Variants in VAT1L observed in about 807,000 individuals in gnomAD.
VAT1L encodes the protein vesicle amine transport 1 like, also known as putative NADPH-dependent quinone oxidoreductase VAT1L.
Under a neutral mutation model 44.1 loss-of-function variants are expected in VAT1L, and 34 were observed. That is an observed-to-expected ratio of 0.77 (90% CI 0.59 to 1.03). VAT1L has a LOEUF of 1.03. VAT1L is among the 50% of genes least tolerant of loss of function. VAT1L has a pLI of 0.00. For missense variants in VAT1L, 615 were observed against 538.8 expected (o/e 1.14, Z -1.40); for synonymous variants, 253 against 202.2 (o/e 1.25, Z -2.13).
chr16:77,885,122 A>T (rs924515107), intron 7 of VAT1L, among the ~76,000 whole-genome samples: 7 of 152,204 alleles, frequency 4.6e-5, no homozygotes, highest in Non-Finnish European at 1.0e-4. Flanking sequence ...GGCATCATAC[A>T]TATTGTCACC....
chr16:77,798,864 G>T (rs1470264954), intron 1 of VAT1L, among the ~76,000 whole-genome samples: 1 of 152,282 alleles, frequency 6.6e-6, no homozygotes, highest in South Asian at 2.1e-4. Context: ...AGGGCGGGAA[G>T]GCCACCCCCT....
intron 7 of VAT1L, among the ~76,000 whole-genome samples, chr16:77,954,242 A>C (rs896044035): frequency 6.6e-6 from 1 of 152,188 alleles, no homozygotes; most frequent in African/African-American, 2.4e-5. Flanking sequence ...CCCTGGAGTG[A>C]AAAGGGTTGT....
At chr16:77,866,344 G>T (rs80276916) in intron 4 of VAT1L, among the ~76,000 whole-genome samples, 1,836 of 152,234 alleles carry the variant, frequency 0.012, 45 homozygotes, top group African/African-American at 0.041. Flanking sequence ...TTGAGTATTG[G>T]GCAGTCCCTT....
chr16:77,841,635 A>C (rs1035156776), intron 3 of VAT1L, among the ~76,000 whole-genome samples: 5 of 152,164 alleles, frequency 3.3e-5, no homozygotes, highest in Non-Finnish European at 5.9e-5. Context: ...TGTCTCCTGG[A>C]AACTGCTTTT....
Position 77,884,484 on chromosome 16 carries a change from C to A in VAT1L, c.883-124C>A. ...CCACCAAGAGCAACCCCTTGGCCAG[C>A]TGGAATCTGCTGAGCTGCAGCCCCA... is the stretch of plus-strand genomic sequence containing the variant. On this transcript the variant is annotated intron_variant, in intron 6 of 8. Transcript: ENST00000302536. This position sits in a 1 kb window ranked among gnomAD's most constrained non-coding sequence, Gnocchi z 4.5. The A allele has an allele frequency of 3.5e-6, 3 of 848,306 alleles. No homozygotes were observed. The highest frequency in any genetic ancestry group is 5.2e-6 in the Non-Finnish European group (3 of 578,730). 52.5% of individuals were successfully genotyped at this position (848,306 alleles called of 1,614,324 possible). A position where few individuals can be genotyped will look rare whatever the true frequency, so the allele number is the denominator to read the frequency against.
intron 7 of VAT1L, among the ~76,000 whole-genome samples, chr16:77,967,145 T>C (rs1375375930): frequency 6.6e-6 from 1 of 152,112 alleles, no homozygotes. Context: ...AGGTGTTATA[T>C]GAGAGCAGTT....
chr16:77,942,904 C>A (rs1292894578), intron 7 of VAT1L, among the ~76,000 whole-genome samples: 1 of 151,224 alleles, frequency 6.6e-6, no homozygotes, highest in Non-Finnish European at 1.5e-5. Context: ...ACCATCACAC[C>A]CGGCTAATTT....
intron 7 of VAT1L, among the ~76,000 whole-genome samples, chr16:77,937,101 T>G (rs528833734): frequency 7.9e-5 from 12 of 152,290 alleles, no homozygotes; most frequent in Non-Finnish European, 1.6e-4. Flanking sequence ...CAGGATGGTC[T>G]CGATCTCTTA....
chr16:77,922,671 C>G (rs1208865442), intron 7 of VAT1L, among the ~76,000 whole-genome samples: 4 of 152,200 alleles, frequency 2.6e-5, no homozygotes, highest in African/African-American at 9.7e-5. Context: ...GAATGCCACT[C>G]TATGTGCCTG....
intron 7 of VAT1L, among the ~76,000 whole-genome samples, chr16:77,919,907 T>A (rs557760447): frequency 6.6e-6 from 1 of 152,132 alleles, no homozygotes; most frequent in African/African-American, 2.4e-5. Flanking sequence ...GGCTAACATG[T>A]GAAACCCCAT....
chr16:77,863,702 G>A (rs923321695), intron 4 of VAT1L, among the ~76,000 whole-genome samples: 7 of 152,140 alleles, frequency 4.6e-5, no homozygotes, highest in African/African-American at 1.7e-4. Context: ...AGGCTTACTG[G>A]GGTGCAAGTC....
At chr16:77,975,712 C>T (rs976653086) in intron 8 of VAT1L, among the ~76,000 whole-genome samples, 1 of 152,364 alleles carries the variant, frequency 6.6e-6, no homozygotes, top group African/African-American at 2.4e-5. Flanking sequence ...AAAGCCTCCT[C>T]TTAATGAGGC....
intron 4 of VAT1L, among the ~76,000 whole-genome samples, chr16:77,873,534 C>T (rs546499097): frequency 6.6e-6 from 1 of 152,288 alleles, no homozygotes; most frequent in East Asian, 1.9e-4. Flanking sequence ...TGAGAAGCAA[C>T]ACTATATCCA....
Position 77,962,872 on chromosome 16 carries a change from G to A in VAT1L, c.1078-8978G>A, listed in dbSNP as rs1283148057. On this transcript the variant is annotated intron_variant, in intron 7 of 8. Coordinates refer to ENST00000302536, the MANE Select transcript of VAT1L (RefSeq NM_020927.3). The stretch of plus-strand genomic sequence containing the variant: ...GAGACAGGAGGATTGCTTAAGCCTG[G>A]GAGGTAGAGGCTGCAGTGGGTTGTG... Among the ~76,000 whole-genome samples, 14 of 152,286 alleles carry A rather than the reference G, an allele frequency of 9.2e-5. No individual in the cohort carries two copies. In the East Asian group the frequency reaches 2.3e-3, roughly 25 times the overall value.
chr16:77,897,477 G>T (rs991800024), intron 7 of VAT1L, among the ~76,000 whole-genome samples: 2 of 152,116 alleles, frequency 1.3e-5, no homozygotes, highest in African/African-American at 4.8e-5. Context: ...TTTGTTTTTT[G>T]TTTTGTGTTT....
chr16:77,975,825 C>T (rs2018334390), intron 8 of VAT1L, among the ~76,000 whole-genome samples: 1 of 152,224 alleles, frequency 6.6e-6, no homozygotes, highest in Non-Finnish European at 1.5e-5. Flanking sequence ...GGCAGCCCTG[C>T]CCCAGTCCTG....
Position 77,977,973 on chromosome 16 carries a change from C to T in VAT1L, c.*278C>T. ...TGGGTTCTTCTTGACAGTTCTAGAA[C>T]AGCCTTGCAAATTAATACAAGTCCC... is the stretch of plus-strand genomic sequence containing the variant. On this transcript the variant is annotated 3_prime_UTR_variant, in exon 9 of 9. Coordinates refer to ENST00000302536, the MANE Select transcript of VAT1L (RefSeq NM_020927.3). The T allele has an allele frequency of 2.9e-6, 1 of 345,970 alleles. No homozygotes were observed. Among genetic ancestry groups the T allele is most frequent in the Non-Finnish European group, 5.4e-6 (1 of 183,850 alleles). The allele number at this position is 345,970 out of a possible 1,614,324, so 21.4% of individuals were successfully genotyped here.
intron 7 of VAT1L, among the ~76,000 whole-genome samples, chr16:77,939,329 G>GT (rs374042022): frequency 9.9e-5 from 15 of 151,332 alleles, no homozygotes; most frequent in African/African-American, 3.4e-4. Flanking sequence ...TTGTGTGCAT[G>GT]TTTTTTCCAG....
rs767226108 is a variant in VAT1L, at chr16:77,879,236, G to A, written c.882+12G>A. ...GCTTTGCAAAATCAGTAAGTATCCA[G>A]GCACATCTGATGTACTGTGGTGGCA... On this transcript the variant is annotated intron_variant, in intron 6 of 8. Coordinates refer to ENST00000302536, the MANE Select transcript of VAT1L (RefSeq NM_020927.3). This position sits in a 1 kb window ranked among gnomAD's most constrained non-coding sequence, Gnocchi z 4.1. 3.1e-6 allele frequency: 5 copies of A among 1,613,510 alleles called. No individual in the cohort carries two copies. The highest frequency in any genetic ancestry group is 1.1e-5 in the South Asian group (1 of 91,036).
Sources: allele counts gnomAD v4.1 joint callset (sites outside exome capture counted in the v4.1 genomes callset), GRCh38; gene constraint gnomAD v4.1.1; non-coding constraint Gnocchi (gnomAD v3.1); transcripts MANE v1.5; gene names NCBI Gene and HGNC (gene_info 2026-07-23, HGNC 2026-07-21).